LZIC: variants seen among roughly 807,000 people sequenced by gnomAD.
LZIC encodes leucine zipper and CTNNBIP1 domain containing.
Under a neutral mutation model 25.4 loss-of-function variants are expected in LZIC, and 28 were observed. The ratio of observed to expected loss-of-function variants is 1.10; its 90% confidence interval spans 0.82 to 1.51. The LOEUF (loss-of-function observed/expected upper bound fraction) is 1.51. LZIC is among the 40% of genes most tolerant of loss of function. LZIC has a pLI of 0.00. For missense variants in LZIC, 170 were observed against 211.1 expected (o/e 0.81, Z 1.21); for synonymous variants, 65 against 70.7 (o/e 0.92, Z 0.40).
At position 9,936,594 on chromosome 1, in the gene LZIC, G is replaced by C. The variant is rs1557441920; in HGVS notation, c.26C>G (p.Thr9Arg). The C allele has an allele frequency of 1.2e-6, 2 of 1,613,100 alleles. No homozygotes were observed. Among genetic ancestry groups the C allele is most frequent in the Admixed American group, 3.3e-5 (2 of 60,002 alleles). MASRGKTE[T>R]SKLKQNLEEQ... ...TTCTAAATTCTGCTTTAATTTGCTT[G>C]TCTCTGTCTTTCCTCTGGAAGCCAT... The change falls in exon 3 of 8, where the codon ACA (threonine) becomes AGA (arginine). Residue 9 changes from threonine to arginine, a missense_variant. By Grantham distance (71) the Thr-to-Arg change is moderately conservative. Transcript: ENST00000377223.
intron 2 of LZIC, among the ~76,000 whole-genome samples, chr1:9,937,766 T>G (rs1247126947): frequency 5.4e-5 from 8 of 148,192 alleles, no homozygotes; most frequent in Non-Finnish European, 8.9e-5. Flanking sequence ...GAGGACTGCT[T>G]GAGCCCAGGA....
At chr1:9,922,356 G>C, downstream of LZIC, 1 of 982,356 alleles carries the variant, frequency 1.0e-6, no homozygotes, top group Non-Finnish European at 1.2e-6. Flanking sequence ...CTTGGGGGCC[G>C]TCCTGGGGAG....
intron 2 of LZIC, among the ~76,000 whole-genome samples, chr1:9,940,129 A>G (rs1640644819): frequency 6.8e-6 from 1 of 146,968 alleles, no homozygotes; most frequent in African/African-American, 2.6e-5. Context: ...AAAAAAAAAC[A>G]AAAAACAAAA....
At chr1:9,935,900 T>C (rs182539340) in intron 3 of LZIC, among the ~76,000 whole-genome samples, 71 of 152,226 alleles carry the variant, frequency 4.7e-4, no homozygotes, top group Middle Eastern at 3.4e-3. Context: ...AAGGCTGAGA[T>C]GGGCAGATCA....
downstream of LZIC, chr1:9,922,264 C>T: frequency 2.0e-6 from 2 of 983,766 alleles, no homozygotes; most frequent in Non-Finnish European, 2.4e-6. Context: ...TTCACAGGTC[C>T]TGGATCTTTA....
Position 9,942,635 on chromosome 1 carries a change from T to C in LZIC, c.-20A>G, listed in dbSNP as rs556524644. On this transcript the variant is annotated 5_prime_UTR_variant, in exon 2 of 8. Coordinates refer to ENST00000377223, the MANE Select transcript of LZIC (RefSeq NM_032368.5). ...TCATTCATGCTCACCTGTCTCTTAG[T>C]ACTCTGATCTCTGCACAGTGCCGAC... is the stretch of plus-strand genomic sequence containing the variant. 15 of 1,285,858 alleles carry C rather than the reference T, an allele frequency of 1.2e-5. No homozygotes were observed. In the South Asian group the frequency reaches 1.9e-4, roughly 16 times the overall value. 79.7% of individuals were successfully genotyped at this position (1,285,858 alleles called of 1,614,324 possible).
downstream of LZIC, chr1:9,922,261 G>A (rs1639884113): frequency 1.0e-6 from 1 of 982,344 alleles, no homozygotes; most frequent in Non-Finnish European, 1.2e-6. Flanking sequence ...GTATTCACAG[G>A]TCCTGGATCT....
chr1:9,932,685 G>GA (rs34009055), intron 6 of LZIC, 118 bp downstream of exon 6: 125,008 of 282,042 alleles, frequency 0.44, 23,634 homozygotes, highest in Admixed American at 0.55. Flanking sequence ...CTCCGTCTCA[G>GA]AAAAAAAAAA....
rs1231008472 is a variant in LZIC, at chr1:9,928,101, G to C, written c.*2298C>G. Among the ~76,000 whole-genome samples the C allele has an allele frequency of 6.6e-6, 1 of 152,026 alleles. No individual in the cohort carries two copies. Among genetic ancestry groups the C allele is most frequent in the Non-Finnish European group, 1.5e-5 (1 of 67,980 alleles). ...AGGTTGAGGCGGGTGGATCACCTAA[G>C]GTCAGGAGTTCGAGACCAGCCTGAC... On this transcript the variant is annotated 3_prime_UTR_variant, in exon 8 of 8. Transcript: ENST00000377223.
In LZIC at chr1:9,928,078, G is replaced by C. The variant is rs1182370339; in HGVS notation, c.*2321C>G. ...TGTAATCATCCCAGCACTCTGGGAG[G>C]TTGAGGCGGGTGGATCACCTAAGGT... is the stretch of plus-strand genomic sequence containing the variant. On this transcript the variant is annotated 3_prime_UTR_variant, in exon 8 of 8. Coordinates refer to ENST00000377223, the MANE Select transcript of LZIC (RefSeq NM_032368.5). Among the ~76,000 whole-genome samples, 2 of 152,106 alleles carry C rather than the reference G, an allele frequency of 1.3e-5. No homozygotes were observed. The highest frequency in any genetic ancestry group is 2.4e-5 in the African/African-American group (1 of 41,436).
chr1:9,939,361 T>C (rs896941267), intron 2 of LZIC, among the ~76,000 whole-genome samples: 4 of 75,786 alleles, frequency 5.3e-5, no homozygotes, highest in Admixed American at 1.8e-4. Flanking sequence ...CCCACTTGGC[T>C]TTTTTTTTTT....
At chr1:9,932,000 G>A in intron 6 of LZIC, 28 bp from the exon 7 acceptor site, 2 of 1,557,122 alleles carry the variant, frequency 1.3e-6, no homozygotes, top group Non-Finnish European at 8.8e-7. Context: ...AAGTCCAGTT[G>A]AGTGGGTAAA....
chr1:9,934,731 C>T, intron 5 of LZIC, 31 bp downstream of exon 5: 1 of 1,579,532 alleles, frequency 6.3e-7, no homozygotes, highest in South Asian at 1.1e-5. Context: ...GAAAAACACA[C>T]AGCAACCAAA....
chr1:9,923,784 GCT>G (rs1462539838), downstream of LZIC, among the ~76,000 whole-genome samples: 4 of 151,910 alleles, frequency 2.6e-5, no homozygotes, highest in Non-Finnish European at 1.5e-5. Flanking sequence ...ACAGAGTCTT[GCT>G]CTGTCACCCA....
chr1:9,923,295 G>A (rs1214478552), downstream of LZIC, among the ~76,000 whole-genome samples: 2 of 152,034 alleles, frequency 1.3e-5, no homozygotes, highest in East Asian at 3.9e-4. Context: ...TGCAACCTCC[G>A]TCTCCCAGGA....
Position 9,929,171 on chromosome 1 carries a change from T to G in LZIC, c.*1228A>C. The G allele has an allele frequency of 2.8e-6, 1 of 353,100 alleles. No homozygotes were observed. 21.9% of individuals were successfully genotyped at this position (353,100 alleles called of 1,614,324 possible). The stretch of plus-strand genomic sequence containing the variant: ...ATGGTACACTTTAAAATGGTGAATT[T>G]TATGATATATGAATTTCACCTCTTT... On this transcript the variant is annotated 3_prime_UTR_variant, in exon 8 of 8. Coordinates refer to ENST00000377223, the MANE Select transcript of LZIC (RefSeq NM_032368.5).
Position 9,939,542 on chromosome 1 carries a change from CTT to C in LZIC, c.-8-2917_-8-2916del, listed in dbSNP as rs34837155. ...ATTACAGGTGTGCCACCACATCTGC[CTT>C]TTTTTTTTTTTTTTTTTTTGGTATT... On this transcript the variant is annotated intron_variant, in intron 2 of 7. Transcript: ENST00000377223. Among the ~76,000 whole-genome samples the C allele has an allele frequency of 2.6e-3, 216 of 81,980 alleles. 1 individual carries two copies. The highest frequency in any genetic ancestry group is 7.0e-3 in the African/African-American group (162 of 23,180). The allele number at this position is 81,980 out of a possible 152,430, so 53.8% of individuals were successfully genotyped here. A position where few individuals can be genotyped will look rare whatever the true frequency, so the allele number is the denominator to read the frequency against.
downstream of LZIC, chr1:9,922,288 C>T: frequency 1.0e-6 from 1 of 985,308 alleles, no homozygotes; most frequent in African/African-American, 1.7e-5. Flanking sequence ...GGAAGCTAAT[C>T]TTGCTGGGGA....
In LZIC at chr1:9,930,072, G is replaced by A. The variant is rs375903011; in HGVS notation, c.*327C>T. On this transcript the variant is annotated 3_prime_UTR_variant, in exon 8 of 8. Coordinates refer to ENST00000377223, the MANE Select transcript of LZIC (RefSeq NM_032368.5). ...AAATATCATTACTTCACATCTTTTC[G>A]TTCACTATCAACACTTAAAAACAAA... 27 of 1,057,858 alleles carry A rather than the reference G, an allele frequency of 2.6e-5. No individual in the cohort carries two copies. In the South Asian group the frequency reaches 6.9e-4, roughly 27 times the overall value. The allele number at this position is 1,057,858 out of a possible 1,614,324, so 65.5% of individuals were successfully genotyped here. A position where few individuals can be genotyped will look rare whatever the true frequency, so the allele number is the denominator to read the frequency against.
Sources: allele counts gnomAD v4.1 joint callset (sites outside exome capture counted in the v4.1 genomes callset), GRCh38; gene constraint gnomAD v4.1.1; transcripts MANE v1.5; gene names NCBI Gene and HGNC (gene_info 2026-07-23, HGNC 2026-07-21).